HCFC2: variants seen among roughly 807,000 people sequenced by gnomAD.
HCFC2 encodes host cell factor C2.
In HCFC2, 18 loss-of-function variants were observed where a neutral mutation model predicts 89.2. That is an observed-to-expected ratio of 0.20 (90% CI 0.14 to 0.30). The LOEUF is 0.30. HCFC2 is among the 10% of genes least tolerant of loss of function. HCFC2 has a pLI of 1.00. For synonymous variants in HCFC2, 308 were observed against 335.7 expected, an observed-to-expected ratio of 0.92 and a Z score of 0.90; for missense variants, 578 against 956.1, an observed-to-expected ratio of 0.60 and a Z score of 5.21.
chr12:104,100,436 G>A (rs1309885523), intron 13 of HCFC2, among the ~76,000 whole-genome samples: 2 of 151,926 alleles, frequency 1.3e-5, no homozygotes, highest in Non-Finnish European at 1.5e-5. Context: ...AAGTTTTCTG[G>A]GCAAGGTACG....
At chr12:104,071,881 G>A (rs1286118775) in intron 3 of HCFC2, among the ~76,000 whole-genome samples, 5 of 152,010 alleles carry the variant, frequency 3.3e-5, no homozygotes, top group African/African-American at 1.2e-4. Context: ...ATCTCATTGT[G>A]GTTTTAATTT....
intron 7 of HCFC2, among the ~76,000 whole-genome samples, chr12:104,086,155 G>A (rs1271370898): frequency 1.3e-5 from 2 of 151,876 alleles, no homozygotes; most frequent in African/African-American, 2.4e-5. Flanking sequence ...CAGCCACAAC[G>A]CCTGGCTAAT....
intron 3 of HCFC2, among the ~76,000 whole-genome samples, chr12:104,075,830 T>G (rs558208200): frequency 6.6e-6 from 1 of 152,364 alleles, no homozygotes; most frequent in Admixed American, 6.5e-5. Flanking sequence ...TAGTTCATTT[T>G]TTTTTCAGTG....
Position 104,103,553 on chromosome 12 carries a change from C to T in HCFC2, c.*280C>T, listed in dbSNP as rs1428369529. The stretch of plus-strand genomic sequence containing the variant: ...GATAAAAGCTAGAAAGCTTTATTAC[C>T]CCAATATCTTTTATAAGGGCTGTGT... On this transcript the variant is annotated 3_prime_UTR_variant, in exon 15 of 15. Coordinates refer to ENST00000229330, the MANE Select transcript of HCFC2 (RefSeq NM_013320.3). 8.5e-6 allele frequency: 3 copies of T among 354,662 alleles called. No individual in the cohort carries two copies. The highest frequency in any genetic ancestry group is 1.0e-5 in the Non-Finnish European group (2 of 194,480). The allele number at this position is 354,662 out of a possible 1,614,324, so 22.0% of individuals were successfully genotyped here. A position where few individuals can be genotyped will look rare whatever the true frequency, so the allele number is the denominator to read the frequency against.
intron 12 of HCFC2, among the ~76,000 whole-genome samples, 193 bp downstream of exon 12, chr12:104,096,626 CAT>C (rs375869786): frequency 3.0e-4 from 45 of 152,264 alleles, no homozygotes; most frequent in Non-Finnish European, 4.6e-4. Flanking sequence ...TAAAAAATAA[CAT>C]ATGTGTTGTG....
intron 7 of HCFC2, among the ~76,000 whole-genome samples, chr12:104,085,288 T>C (rs1248014169): frequency 6.6e-6 from 1 of 152,008 alleles, no homozygotes; most frequent in East Asian, 1.9e-4. Context: ...GTTGAAAAAA[T>C]AATGAAACAA....
intron 1 of HCFC2, among the ~76,000 whole-genome samples, chr12:104,065,735 G>A (rs1883089951): frequency 6.6e-6 from 1 of 152,122 alleles, no homozygotes; most frequent in Non-Finnish European, 1.5e-5. Flanking sequence ...TGCTCTGCCG[G>A]TTGCCCAGGA....
chr12:104,086,825 T>C, intron 7 of HCFC2, 22 bp from the exon 8 acceptor site: 1 of 1,608,376 alleles, frequency 6.2e-7, no homozygotes, highest in Non-Finnish European at 8.5e-7. Flanking sequence ...CTTAAATGTA[T>C]AATATCATGA....
chr12:104,069,591 C>T (rs1055156248), intron 3 of HCFC2, among the ~76,000 whole-genome samples: 1 of 149,170 alleles, frequency 6.7e-6, no homozygotes, highest in African/African-American at 2.5e-5. Context: ...TGTCTTATTT[C>T]GCTTACCATA....
chr12:104,086,079 C>T (rs1316588279), intron 7 of HCFC2, among the ~76,000 whole-genome samples: 1 of 149,438 alleles, frequency 6.7e-6, no homozygotes, highest in Non-Finnish European at 1.5e-5. Flanking sequence ...CTCACTGCAA[C>T]CTCCACCTCC....
At chr12:104,076,482 C>G (rs998544346) in intron 3 of HCFC2, among the ~76,000 whole-genome samples, 1 of 152,238 alleles carries the variant, frequency 6.6e-6, no homozygotes, top group South Asian at 2.1e-4. Context: ...GGATAGCATA[C>G]TGGCTGATAT....
At chr12:104,080,188 T>A (rs754225965) in intron 4 of HCFC2, among the ~76,000 whole-genome samples, 4 of 152,208 alleles carry the variant, frequency 2.6e-5, no homozygotes, top group Non-Finnish European at 5.9e-5. Flanking sequence ...TTGTTTTTAA[T>A]TCACAATTGG....
chr12:104,090,285 G>A (rs574483628), intron 9 of HCFC2, among the ~76,000 whole-genome samples: 2 of 152,052 alleles, frequency 1.3e-5, no homozygotes, highest in East Asian at 3.9e-4. Context: ...TTTAGCATTC[G>A]GTGTTGGTAT....
chr12:104,099,227 C>A (rs546152518), intron 13 of HCFC2, among the ~76,000 whole-genome samples: 2 of 152,060 alleles, frequency 1.3e-5, no homozygotes, highest in Non-Finnish European at 2.9e-5. Flanking sequence ...CTCATGAGAA[C>A]TCACTATACA....
chr12:104,064,752 G>T lies in HCFC2; in HGVS notation c.163+29G>T, dbSNP rs1457100619. The T allele has an allele frequency of 1.3e-6, 2 of 1,541,596 alleles. No homozygotes were observed. The highest frequency in any genetic ancestry group is 2.4e-5 in the South Asian group (2 of 83,874). On this transcript the variant is annotated intron_variant, in intron 1 of 14. Coordinates refer to ENST00000229330, the MANE Select transcript of HCFC2 (RefSeq NM_013320.3). This position sits in a 1 kb window ranked among gnomAD's most constrained non-coding sequence, Gnocchi z 7.3. ...GGCGCGGCGGCGGCTCGTCGGCCCC[G>T]CCTGCTGGAGCTGCGGAGGGGGAGG...
Position 104,104,955 on chromosome 12 carries a change from T to C in HCFC2, c.*1682T>C, listed in dbSNP as rs2030048247. ...CTGGTTTGTTATCCCAGCAATGCCC[T>C]TGGTGAGAGCTTCATTCTGCATTTG... On this transcript the variant is annotated 3_prime_UTR_variant, in exon 15 of 15. Transcript: ENST00000229330. 1 of 152,078 alleles carries C rather than the reference T, an allele frequency of 6.6e-6. No individual in the cohort carries two copies. Among genetic ancestry groups the C allele is most frequent in the South Asian group, 2.1e-4 (1 of 4,832 alleles). 9.4% of individuals were successfully genotyped at this position (152,078 alleles called of 1,614,324 possible). A position where few individuals can be genotyped will look rare whatever the true frequency, so the allele number is the denominator to read the frequency against.
chr12:104,073,724 A>G (rs1883410998), intron 3 of HCFC2, among the ~76,000 whole-genome samples: 2 of 152,186 alleles, frequency 1.3e-5, no homozygotes. Context: ...TCCCAACACC[A>G]TTTATTAAAT....
intron 8 of HCFC2, among the ~76,000 whole-genome samples, chr12:104,087,470 T>TATATATATATATGTATATATATATAC (rs1883898536): frequency 5.5e-4 from 4 of 7,338 alleles, no homozygotes; most frequent in African/African-American, 1.3e-3. Flanking sequence ...TATATACATA[T>TATATATATATATGTATATATATATAC]ATATATATAT....
chr12:104,066,934 C>A (rs1051062475), intron 2 of HCFC2, among the ~76,000 whole-genome samples: 3 of 152,172 alleles, frequency 2.0e-5, no homozygotes, highest in African/African-American at 7.2e-5. Context: ...ACTACAGGCA[C>A]GCGCCACCAT....
Sources: gnomAD v4.1 joint callset for allele counts (sites outside exome capture counted in the v4.1 genomes callset) on GRCh38, gnomAD v4.1.1 for gene constraint, Gnocchi (gnomAD v3.1) non-coding constraint, MANE v1.5 for transcripts, NCBI Gene and HGNC (gene_info 2026-07-23, HGNC 2026-07-21) for gene names.